SLC35F3: variants seen among roughly 807,000 people sequenced by gnomAD.
SLC35F3 encodes the protein solute carrier family 35 member F3, also known as putative thiamine transporter SLC35F3.
In SLC35F3, 25 loss-of-function variants were observed where a neutral mutation model predicts 49.9. That is an observed-to-expected ratio of 0.50 (90% CI 0.37 to 0.70). SLC35F3 has a LOEUF of 0.70. SLC35F3 is among the 30% of genes least tolerant of loss of function. SLC35F3 has a pLI of 0.00. For missense variants in SLC35F3, 525 were observed against 639.8 expected (o/e 0.82, Z 1.94); for synonymous variants, 275 against 265.4 (o/e 1.04, Z -0.35).
intron 2 of SLC35F3, among the ~76,000 whole-genome samples, chr1:233,916,486 T>C (rs376937600): frequency 6.6e-6 from 1 of 152,200 alleles, no homozygotes. Context: ...TGCCCATGCT[T>C]ATCTCAGACT....
At chr1:234,001,621 T>C (rs185856778) in intron 2 of SLC35F3, among the ~76,000 whole-genome samples, 3 of 152,308 alleles carry the variant, frequency 2.0e-5, no homozygotes, top group East Asian at 3.9e-4. Context: ...CCAACAGAAG[T>C]GACCAGGGGT....
chr1:234,233,179 C>G (rs1212160839), intron 3 of SLC35F3, among the ~76,000 whole-genome samples: 1 of 152,158 alleles, frequency 6.6e-6, no homozygotes, highest in Non-Finnish European at 1.5e-5. Context: ...AAGATTGTCC[C>G]AAAGGCAAGA....
chr1:234,215,713 C>A (rs1302122659), intron 2 of SLC35F3, among the ~76,000 whole-genome samples: 1 of 152,184 alleles, frequency 6.6e-6, no homozygotes, highest in African/African-American at 2.4e-5. Context: ...CCAGCGAGGA[C>A]AAGACAGAGG....
intron 2 of SLC35F3, among the ~76,000 whole-genome samples, chr1:234,164,578 TA>T (rs1325329130): frequency 6.6e-6 from 1 of 152,120 alleles, no homozygotes; most frequent in Non-Finnish European, 1.5e-5. Context: ...CAGTGATACT[TA>T]AAATACAGAC....
chr1:234,261,559 TC>T (rs1226568082), intron 3 of SLC35F3: 2 of 152,296 alleles, frequency 1.3e-5, no homozygotes, highest in African/African-American at 4.8e-5. Context: ...TTTGTCACCA[TC>T]TTGGTTTTGG....
At chr1:233,929,125 A>G (rs1485722491) in intron 2 of SLC35F3, among the ~76,000 whole-genome samples, 1 of 115,914 alleles carries the variant, frequency 8.6e-6, no homozygotes, top group East Asian at 3.1e-4. Context: ...GGCAATCTGC[A>G]AATATAGTGA....
intron 2 of SLC35F3, among the ~76,000 whole-genome samples, chr1:234,166,592 A>C (rs1166615120): frequency 6.6e-6 from 1 of 152,176 alleles, no homozygotes; most frequent in Non-Finnish European, 1.5e-5. Context: ...AGACAGGCTG[A>C]GGGTGTCCCA....
chr1:234,232,281 T>C (rs1000093793), intron 3 of SLC35F3, among the ~76,000 whole-genome samples: 3 of 152,080 alleles, frequency 2.0e-5, no homozygotes, highest in Admixed American at 6.5e-5. Flanking sequence ...CTGGACTTTG[T>C]TGACTATATT....
At chr1:233,922,486 C>CTTTTTT (rs35271789) in intron 2 of SLC35F3, among the ~76,000 whole-genome samples, 2 of 112,330 alleles carry the variant, frequency 1.8e-5, no homozygotes, top group Non-Finnish European at 1.8e-5. Context: ...TTTTGATGGC[C>CTTTTTT]TTTTTTTTTT....
chr1:234,292,648 A>G (rs1427464706), intron 3 of SLC35F3, among the ~76,000 whole-genome samples: 1 of 152,212 alleles, frequency 6.6e-6, no homozygotes, highest in Non-Finnish European at 1.5e-5. Context: ...GGAATGGGAA[A>G]GGGCCCTGGG....
intron 2 of SLC35F3, among the ~76,000 whole-genome samples, chr1:234,068,823 TTATATATATATATATATATATATA>T (rs10645395): frequency 1.4e-5 from 1 of 71,184 alleles, no homozygotes; most frequent in Non-Finnish European, 2.5e-5. Context: ...ATTTGAGACA[TTATATATATATATATATATATATA>T]TATATATATG....
intron 2 of SLC35F3, among the ~76,000 whole-genome samples, chr1:234,204,432 A>T (rs1320358735): frequency 6.6e-6 from 1 of 152,142 alleles, no homozygotes; most frequent in African/African-American, 2.4e-5. Context: ...TTGTTGATAC[A>T]CTCTGACATA....
chr1:234,069,550 C>T (rs1045111531), intron 2 of SLC35F3, among the ~76,000 whole-genome samples: 2 of 152,128 alleles, frequency 1.3e-5, no homozygotes, highest in Non-Finnish European at 2.9e-5. Context: ...CCACCGCACC[C>T]GGCTGAGATT....
chr1:233,940,429 A>G (rs1463043995), intron 2 of SLC35F3, among the ~76,000 whole-genome samples: 2 of 151,962 alleles, frequency 1.3e-5, no homozygotes, highest in African/African-American at 4.8e-5. Flanking sequence ...GTTCTGCAGC[A>G]CCTGCTTGCC....
intron 2 of SLC35F3, among the ~76,000 whole-genome samples, chr1:233,913,200 A>G (rs1341954174): frequency 6.6e-6 from 1 of 152,230 alleles, no homozygotes; most frequent in Non-Finnish European, 1.5e-5. Context: ...CAACATATGC[A>G]CGGGAATGTA....
chr1:234,210,585 C>T (rs1341290810), intron 2 of SLC35F3, among the ~76,000 whole-genome samples: 1 of 152,200 alleles, frequency 6.6e-6, no homozygotes, highest in Non-Finnish European at 1.5e-5. Context: ...CATTTTGCCC[C>T]TGCCCTAGAG....
At chr1:233,917,460 A>G (rs1661991675) in intron 2 of SLC35F3, among the ~76,000 whole-genome samples, 1 of 152,034 alleles carries the variant, frequency 6.6e-6, no homozygotes, top group Admixed American at 6.6e-5. Flanking sequence ...CTCTTTCATG[A>G]AATCACGCAA....
chr1:233,976,414 A>G (rs1663080670), intron 2 of SLC35F3, among the ~76,000 whole-genome samples: 1 of 152,178 alleles, frequency 6.6e-6, no homozygotes, highest in African/African-American at 2.4e-5. Context: ...TCTCCCATAT[A>G]TCCAGCACAA....
At chr1:234,096,473 T>G (rs139639906) in intron 2 of SLC35F3, among the ~76,000 whole-genome samples, 108 of 152,340 alleles carry the variant, frequency 7.1e-4, no homozygotes, top group African/African-American at 2.5e-3. Flanking sequence ...GCCAGCTCTT[T>G]ATCACATGTA....
Sources: allele counts gnomAD v4.1 joint callset (sites outside exome capture counted in the v4.1 genomes callset), GRCh38; gene constraint gnomAD v4.1.1; transcripts MANE v1.5; gene names NCBI Gene and HGNC (gene_info 2026-07-23, HGNC 2026-07-21).